Variants in FSIP1 observed in about 807,000 individuals in gnomAD.
FSIP1 encodes fibrous sheath-interacting protein 1.
FSIP1 carries 65 observed loss-of-function variants against 60.9 expected under a neutral mutation model. The observed-to-expected ratio is 1.07, with a 90% CI of 0.87 to 1.31. The LOEUF (loss-of-function observed/expected upper bound fraction) is 1.31. Among genes scored for constraint, FSIP1 ranks in the 40% most tolerant of loss-of-function variants. The pLI is 0.00. For missense variants in FSIP1, 675 were observed against 665.5 expected (o/e 1.01, Z -0.16); for synonymous variants, 209 against 221.2 (o/e 0.94, Z 0.49).
intron 8 of FSIP1, among the ~76,000 whole-genome samples, chr15:39,731,677 A>G (rs1214841547): frequency 6.6e-6 from 1 of 152,208 alleles, no homozygotes; most frequent in Non-Finnish European, 1.5e-5. Flanking sequence ...TGTGTGGGGA[A>G]CTTCTAGCTT....
chr15:39,767,518 G>A lies in FSIP1; in HGVS notation c.311-1772C>T, dbSNP rs555736208. Among the ~76,000 whole-genome samples the A allele has an allele frequency of 2.0e-5, 3 of 152,330 alleles. No individual in the cohort carries two copies. In the East Asian group the frequency reaches 5.8e-4, roughly 29 times the overall value. On this transcript the variant is annotated intron_variant, in intron 3 of 11. Coordinates refer to ENST00000350221, the MANE Select transcript of FSIP1 (RefSeq NM_152597.5). The stretch of plus-strand genomic sequence containing the variant: ...TGGGCCTGTGCCCATGGACCTAAGT[G>A]AGAACAGGCACTCCTATTTTCATGC...
At chr15:39,667,591 T>C (rs1440583786) in intron 10 of FSIP1, among the ~76,000 whole-genome samples, 1 of 152,170 alleles carries the variant, frequency 6.6e-6, no homozygotes, top group Non-Finnish European at 1.5e-5. Context: ...AGCTGAAGCT[T>C]GCTGAGGGAA....
intron 10 of FSIP1, among the ~76,000 whole-genome samples, chr15:39,629,209 G>A (rs1891775091): frequency 6.6e-6 from 1 of 152,144 alleles, no homozygotes; most frequent in Non-Finnish European, 1.5e-5. Flanking sequence ...TGGCGCTGGG[G>A]AGGGGGTGCT....
intron 9 of FSIP1, among the ~76,000 whole-genome samples, chr15:39,719,411 G>A (rs1895869295): frequency 6.6e-6 from 1 of 152,206 alleles, no homozygotes; most frequent in East Asian, 1.9e-4. Context: ...AAGATCAATA[G>A]ATACTTGTTG....
chr15:39,627,576 C>A (rs12442952), intron 10 of FSIP1, among the ~76,000 whole-genome samples: 5,384 of 152,180 alleles, frequency 0.035, 195 homozygotes, highest in East Asian at 0.11. Context: ...CAGCTCTCTG[C>A]ATATGTCCCA....
chr15:39,676,009 CAAA>C (rs10706666), intron 10 of FSIP1, among the ~76,000 whole-genome samples: 162 of 145,562 alleles, frequency 1.1e-3, no homozygotes, highest in South Asian at 7.3e-3. Flanking sequence ...ACTAAAAATA[CAAA>C]AAAAAAAAAA....
intron 10 of FSIP1, among the ~76,000 whole-genome samples, chr15:39,635,741 T>C (rs2898687): frequency 0.18 from 27,563 of 152,088 alleles, 3,040 homozygotes; most frequent in East Asian, 0.32. Flanking sequence ...CTGGTCATCC[T>C]GATTAAATAC....
chr15:39,757,135 G>A (rs1219598067), intron 5 of FSIP1, among the ~76,000 whole-genome samples: 1 of 152,014 alleles, frequency 6.6e-6, no homozygotes, highest in East Asian at 1.9e-4. Context: ...GGAAAAAAAG[G>A]CAAAATTTTC....
intron 10 of FSIP1, among the ~76,000 whole-genome samples, chr15:39,660,186 A>G (rs1428802599): frequency 3.3e-5 from 5 of 152,206 alleles, no homozygotes; most frequent in African/African-American, 1.2e-4. Flanking sequence ...CGTAGTTTCA[A>G]CCAGTGGATT....
At chr15:39,609,884 G>T (rs567780410) in intron 11 of FSIP1, among the ~76,000 whole-genome samples, 1 of 152,322 alleles carries the variant, frequency 6.6e-6, no homozygotes, top group East Asian at 1.9e-4. Context: ...AGAACAGCCA[G>T]CAGGCTGGCC....
intron 5 of FSIP1, among the ~76,000 whole-genome samples, chr15:39,746,384 A>C (rs1454203692): frequency 6.6e-6 from 1 of 152,202 alleles, no homozygotes; most frequent in Admixed American, 6.5e-5. Flanking sequence ...GGCAGTTCAA[A>C]TGCTGTTACT....
intron 7 of FSIP1, among the ~76,000 whole-genome samples, 178 bp from the exon 8 acceptor site, chr15:39,738,379 T>G (rs983796645): frequency 1.3e-5 from 2 of 150,258 alleles, no homozygotes; most frequent in Non-Finnish European, 2.9e-5. Flanking sequence ...AGGGCCATTC[T>G]CTAATATCCA....
chr15:39,744,082 T>G (rs919042663), intron 5 of FSIP1, among the ~76,000 whole-genome samples: 2 of 152,172 alleles, frequency 1.3e-5, no homozygotes, highest in Non-Finnish European at 2.9e-5. Flanking sequence ...TGTATAATCG[T>G]GCATGTATGT....
At chr15:39,654,650 TCA>T (rs1348904601) in intron 10 of FSIP1, among the ~76,000 whole-genome samples, 1 of 152,240 alleles carries the variant, frequency 6.6e-6, no homozygotes, top group Non-Finnish European at 1.5e-5. Context: ...ATATATTCTC[TCA>T]GATATAACAC....
In FSIP1 at chr15:39,617,895, A is replaced by C. The variant is rs202143597; in HGVS notation, c.1539T>G (p.Val513=). Residue 513 remains valine, a synonymous_variant, in exon 11 of 12, where the codon GTT becomes GTG. Coordinates refer to ENST00000350221, the MANE Select transcript of FSIP1 (RefSeq NM_152597.5). ...NMKCLQFSKD[V]IISDTKDYFM... The stretch of plus-strand genomic sequence containing the variant: ...AATAGTCTTTTGTGTCACTAATAAT[A>C]ACGTCCTTGGAAAATTGAAGGCATT... The C allele has an allele frequency of 1.7e-5, 28 of 1,614,186 alleles. No homozygotes were observed. The African/African-American group carries it at 3.6e-4, about 21-fold the overall frequency.
intron 10 of FSIP1, among the ~76,000 whole-genome samples, chr15:39,708,946 C>T (rs1182068149): frequency 1.3e-5 from 2 of 152,164 alleles, no homozygotes; most frequent in South Asian, 4.1e-4. Flanking sequence ...ATTGTGTCTA[C>T]TTCCCCTAGC....
intron 10 of FSIP1, among the ~76,000 whole-genome samples, chr15:39,647,774 A>G (rs907839333): frequency 3.3e-5 from 5 of 152,230 alleles, no homozygotes; most frequent in African/African-American, 1.2e-4. Context: ...CTTAAGGTCA[A>G]TTTTCCAAAA....
At chr15:39,609,044 A>G (rs1234923876) in intron 11 of FSIP1, among the ~76,000 whole-genome samples, 1 of 152,160 alleles carries the variant, frequency 6.6e-6, no homozygotes, top group South Asian at 2.1e-4. Context: ...AGCTTCCCCA[A>G]CATTCTGGGA....
chr15:39,689,801 GT>G (rs1283148462), intron 10 of FSIP1, among the ~76,000 whole-genome samples: 2 of 152,188 alleles, frequency 1.3e-5, no homozygotes, highest in African/African-American at 4.8e-5. Flanking sequence ...AATCACTGAA[GT>G]CCTCAAAAAG....
Sources: allele counts gnomAD v4.1 joint callset (sites outside exome capture counted in the v4.1 genomes callset), GRCh38; gene constraint gnomAD v4.1.1; transcripts MANE v1.5; gene names NCBI Gene and HGNC (gene_info 2026-07-23, HGNC 2026-07-21).